Variants in SMARCC1 observed in about 807,000 individuals in gnomAD.
SMARCC1 encodes SWI/SNF related BAF chromatin remodeling complex subunit C1.
SMARCC1 carries 43 observed loss-of-function variants against 147.4 expected under a neutral mutation model. The observed-to-expected ratio is 0.29, with a 90% CI of 0.23 to 0.38. The LOEUF is 0.38. Among genes scored for constraint, SMARCC1 ranks in the 10% least tolerant of loss-of-function variants. The pLI is 1.00. For missense variants in SMARCC1, 1,119 were observed against 1,381.1 expected (o/e 0.81, Z 3.01); for synonymous variants, 495 against 484.4 (o/e 1.02, Z -0.29).
At chr3:47,753,786 T>C (rs1399912574) in intron 2 of SMARCC1, among the ~76,000 whole-genome samples, 2 of 146,788 alleles carry the variant, frequency 1.4e-5, no homozygotes, top group African/African-American at 5.1e-5. Context: ...ATGAAAGGAG[T>C]ATTCACATTT....
At position 47,764,051 on chromosome 3, in the gene SMARCC1, T is replaced by C. The variant is rs188055997; in HGVS notation, c.315+8766A>G. The stretch of plus-strand genomic sequence containing the variant: ...TTAGGAAAAAAAAAAGAGAAAGAGA[T>C]ATTGATGGGATTTCGCTCTATCACT... On this transcript the variant is annotated intron_variant, in intron 2 of 27. Coordinates refer to ENST00000254480, the MANE Select transcript of SMARCC1 (RefSeq NM_003074.4). Among the ~76,000 whole-genome samples the C allele has an allele frequency of 1.7e-4, 26 of 151,886 alleles. No individual in the cohort carries two copies. The East Asian group carries it at 4.6e-3, about 27-fold the overall frequency.
intron 5 of SMARCC1, among the ~76,000 whole-genome samples, chr3:47,731,263 T>C (rs966860451): frequency 6.6e-5 from 10 of 152,226 alleles, no homozygotes; most frequent in African/African-American, 2.4e-4. Flanking sequence ...CTTCCATCTG[T>C]TCAAGTTTTG....
At chr3:47,735,450 T>C (rs1438566787) in intron 5 of SMARCC1, among the ~76,000 whole-genome samples, 2 of 152,090 alleles carry the variant, frequency 1.3e-5, no homozygotes, top group East Asian at 3.9e-4. Flanking sequence ...AAGCCAGGAA[T>C]TCAAGACCAG....
intron 2 of SMARCC1, among the ~76,000 whole-genome samples, chr3:47,749,955 G>A (rs1453006047): frequency 2.6e-5 from 4 of 151,766 alleles, no homozygotes; most frequent in African/African-American, 7.2e-5. Flanking sequence ...GGTGGCAGGC[G>A]CCTGTAGTCC....
chr3:47,653,383 C>T (rs1242217858), intron 21 of SMARCC1, among the ~76,000 whole-genome samples: 2 of 152,170 alleles, frequency 1.3e-5, no homozygotes, highest in Non-Finnish European at 2.9e-5. Flanking sequence ...AGCTTATTTT[C>T]CCTATAGTAT....
intron 18 of SMARCC1, among the ~76,000 whole-genome samples, chr3:47,671,850 A>G (rs2033506948): frequency 1.3e-5 from 2 of 152,214 alleles, no homozygotes; most frequent in African/African-American, 2.4e-5. Context: ...ATTTTCCTGT[A>G]TATGTCAATA....
intron 6 of SMARCC1, 111 bp downstream of exon 6, chr3:47,728,914 A>G: frequency 1.5e-6 from 1 of 651,718 alleles, no homozygotes; most frequent in South Asian, 3.0e-5. Context: ...TCAAAACAAA[A>G]CAAAAACAAA....
At chr3:47,708,316 T>A (rs1276213978) in intron 9 of SMARCC1, among the ~76,000 whole-genome samples, 2 of 151,862 alleles carry the variant, frequency 1.3e-5, no homozygotes, top group African/African-American at 2.4e-5. Flanking sequence ...AATTTTTGTA[T>A]TTTTTGCAGA....
chr3:47,670,517 G>A, intron 19 of SMARCC1, 141 bp downstream of exon 19: 1 of 644,434 alleles, frequency 1.6e-6, no homozygotes, highest in South Asian at 1.9e-5. Context: ...CTGGGAGGTA[G>A]AGGCTGCACT....
At chr3:47,624,422 T>C (rs1329612916) in intron 24 of SMARCC1, among the ~76,000 whole-genome samples, 1 of 151,988 alleles carries the variant, frequency 6.6e-6, no homozygotes, top group Non-Finnish European at 1.5e-5. Flanking sequence ...AAAGGCACCC[T>C]CCCAAAAAAA....
At chr3:47,669,774 A>G (rs976089753) in intron 19 of SMARCC1, among the ~76,000 whole-genome samples, 3 of 152,226 alleles carry the variant, frequency 2.0e-5, no homozygotes, top group African/African-American at 7.2e-5. Context: ...ATGATGCACC[A>G]ATGATACTTC....
rs1553685131 is a variant in SMARCC1 at position 47,702,246 on chromosome 3, A to AAAC, written c.1041-845_1041-844insGTT. Among the ~76,000 whole-genome samples, 54 of 150,774 alleles carry AAAC rather than the reference A, an allele frequency of 3.6e-4. No homozygotes were observed. In the East Asian group the frequency reaches 6.3e-3, roughly 17 times the overall value. On this transcript the variant is annotated intron_variant, in intron 10 of 27. Coordinates refer to ENST00000254480, the MANE Select transcript of SMARCC1 (RefSeq NM_003074.4). ...CAGGGGGCTCAAAAAAAAAAAAAAA[A>AAAC]CCCCAGTGATGATTCTTTACCTTTA...
intron 1 of SMARCC1, among the ~76,000 whole-genome samples, chr3:47,779,363 G>C (rs1384829922): frequency 6.6e-6 from 1 of 152,226 alleles, no homozygotes; most frequent in African/African-American, 2.4e-5. Flanking sequence ...AAACCAATGC[G>C]TACACCAAAT....
At chr3:47,596,450 C>T (rs890772977) in intron 26 of SMARCC1, among the ~76,000 whole-genome samples, 21 of 151,910 alleles carry the variant, frequency 1.4e-4, no homozygotes, top group Admixed American at 2.6e-4. Flanking sequence ...CACCTGTAAT[C>T]CTAGCTACTC....
At chr3:47,687,534 G>A (rs1217217408) in intron 13 of SMARCC1, among the ~76,000 whole-genome samples, 1 of 152,114 alleles carries the variant, frequency 6.6e-6, no homozygotes, top group Non-Finnish European at 1.5e-5. Context: ...ATAAACGACT[G>A]GTATATGGCT....
At chr3:47,771,763 TATAAC>T (rs772496254) in intron 2 of SMARCC1, among the ~76,000 whole-genome samples, 2 of 150,640 alleles carry the variant, frequency 1.3e-5, no homozygotes, top group East Asian at 3.9e-4. Flanking sequence ...CATGATATAA[TATAAC>T]ATAACATAAC....
chr3:47,681,885 C>G (rs1036029304), intron 14 of SMARCC1, among the ~76,000 whole-genome samples: 1 of 151,842 alleles, frequency 6.6e-6, no homozygotes, highest in Admixed American at 6.6e-5. Flanking sequence ...AGGAAAGGCC[C>G]ACTTTTAAAA....
At chr3:47,695,617 A>G (rs945424258) in intron 11 of SMARCC1, among the ~76,000 whole-genome samples, 3 of 151,698 alleles carry the variant, frequency 2.0e-5, no homozygotes, top group Admixed American at 6.6e-5. Context: ...AAATACAAAA[A>G]TTAGTAGGGC....
At chr3:47,635,516 A>C (rs1433972171) in intron 23 of SMARCC1, among the ~76,000 whole-genome samples, 172 bp from the exon 24 acceptor site, 1 of 152,110 alleles carries the variant, frequency 6.6e-6, no homozygotes. Context: ...GTTTGCCTCT[A>C]TTGGGGACAT....
Sources: allele counts gnomAD v4.1 joint callset (sites outside exome capture counted in the v4.1 genomes callset), GRCh38; gene constraint gnomAD v4.1.1; transcripts MANE v1.5; gene names NCBI Gene and HGNC (gene_info 2026-07-23, HGNC 2026-07-21).